HS6ST3: variants seen among roughly 807,000 people sequenced by gnomAD.
The protein encoded by HS6ST3 is heparan sulfate 6-O-sulfotransferase 3.
HS6ST3 carries 12 observed loss-of-function variants against 36.7 expected under a neutral mutation model. The ratio of observed to expected loss-of-function variants is 0.33; its 90% confidence interval spans 0.21 to 0.53. HS6ST3 has a LOEUF of 0.53. HS6ST3 is among the 20% of genes least tolerant of loss of function. The pLI is 0.95. For synonymous variants in HS6ST3, 240 were observed against 257.5 expected (o/e 0.93, Z 0.65); for missense variants, 584 against 640.9 (o/e 0.91, Z 0.96).
At chr13:96,134,013 T>C (rs910857143) in intron 1 of HS6ST3, among the ~76,000 whole-genome samples, 7 of 152,178 alleles carry the variant, frequency 4.6e-5, no homozygotes, top group African/African-American at 1.7e-4. Context: ...TATCCTGTTT[T>C]CTCAACATCA....
At chr13:96,519,478 G>T (rs1027412266) in intron 1 of HS6ST3, among the ~76,000 whole-genome samples, 1 of 152,210 alleles carries the variant, frequency 6.6e-6, no homozygotes, top group Non-Finnish European at 1.5e-5. Context: ...AAATGGATGG[G>T]TGTTTCTGGG....
chr13:96,216,376 G>A (rs1054089446), intron 1 of HS6ST3, among the ~76,000 whole-genome samples: 1 of 152,130 alleles, frequency 6.6e-6, no homozygotes, highest in African/African-American at 2.4e-5. Flanking sequence ...CTGAGCCGTT[G>A]CCTCAATGTT....
chr13:96,667,047 A>G (rs1216953791), intron 1 of HS6ST3, among the ~76,000 whole-genome samples: 1 of 152,180 alleles, frequency 6.6e-6, no homozygotes, highest in Non-Finnish European at 1.5e-5. Flanking sequence ...GATAAACACC[A>G]CACGTCCCAC....
At chr13:96,347,408 G>T (rs1191889153) in intron 1 of HS6ST3, among the ~76,000 whole-genome samples, 1 of 152,166 alleles carries the variant, frequency 6.6e-6, no homozygotes, top group African/African-American at 2.4e-5. Context: ...CAGGCTTGAT[G>T]AAATTATCAT....
chr13:96,626,410 T>G (rs1294155189), intron 1 of HS6ST3, among the ~76,000 whole-genome samples: 2 of 152,316 alleles, frequency 1.3e-5, no homozygotes, highest in South Asian at 4.1e-4. Context: ...ACCAACTCTG[T>G]CAATTATGTT....
At chr13:96,747,661 A>C (rs568223189) in intron 1 of HS6ST3, among the ~76,000 whole-genome samples, 2 of 152,102 alleles carry the variant, frequency 1.3e-5, no homozygotes, top group East Asian at 3.9e-4. Context: ...TCTAGCTACT[A>C]ATATATATAT....
intron 1 of HS6ST3, among the ~76,000 whole-genome samples, chr13:96,343,681 A>G (rs1422525771): frequency 6.6e-6 from 1 of 151,862 alleles, no homozygotes; most frequent in Non-Finnish European, 1.5e-5. Context: ...TTATACTTTT[A>G]TTTATCTTTC....
At chr13:96,449,920 A>C (rs150180318) in intron 1 of HS6ST3, among the ~76,000 whole-genome samples, 51 of 152,344 alleles carry the variant, frequency 3.3e-4, no homozygotes, top group Middle Eastern at 3.4e-3. Flanking sequence ...GGTGGTGTGC[A>C]TTACGTTATA....
At chr13:96,308,446 A>G (rs1246111361) in intron 1 of HS6ST3, among the ~76,000 whole-genome samples, 1 of 152,128 alleles carries the variant, frequency 6.6e-6, no homozygotes, top group Non-Finnish European at 1.5e-5. Context: ...CCTGAGTTTA[A>G]ACATTAGATA....
Position 96,802,593 on chromosome 13 carries a change from A to G in HS6ST3, c.708-29897A>G, listed in dbSNP as rs771839573. 8.5e-5 allele frequency among the ~76,000 whole-genome samples: 13 copies of G among 152,190 alleles called. No homozygotes were observed. The South Asian group carries it at 1.0e-3, about 12-fold the overall frequency. On this transcript the variant is annotated intron_variant, in intron 1 of 1. Transcript: ENST00000376705. ...GTGACTGCTCTGTGTAAAGCGTCCA[A>G]TTCTTCAAGATGTACTGAGATGCTC...
At chr13:96,333,210 C>G (rs976686227) in intron 1 of HS6ST3, among the ~76,000 whole-genome samples, 1 of 152,190 alleles carries the variant, frequency 6.6e-6, no homozygotes, top group Admixed American at 6.5e-5. Context: ...GCTGGTCCTT[C>G]TTTTGGGCCA....
At chr13:96,226,888 A>T (rs1480972904) in intron 1 of HS6ST3, among the ~76,000 whole-genome samples, 1 of 152,136 alleles carries the variant, frequency 6.6e-6, no homozygotes, top group African/African-American at 2.4e-5. Context: ...AGAGCCAGCT[A>T]CTCTTAACAT....
intron 1 of HS6ST3, among the ~76,000 whole-genome samples, chr13:96,497,908 A>G (rs980553684): frequency 6.6e-6 from 1 of 152,216 alleles, no homozygotes; most frequent in Non-Finnish European, 1.5e-5. Context: ...AGGGACAGAA[A>G]GCAGATTAAT....
chr13:96,797,140 A>C (rs1877934298), intron 1 of HS6ST3, among the ~76,000 whole-genome samples: 1 of 152,102 alleles, frequency 6.6e-6, no homozygotes, highest in Non-Finnish European at 1.5e-5. Context: ...TTGACCCTTC[A>C]ACTGGAAGTC....
chr13:96,627,910 CTCTA>C (rs1020766795), intron 1 of HS6ST3, among the ~76,000 whole-genome samples: 15 of 151,694 alleles, frequency 9.9e-5, no homozygotes, highest in African/African-American at 2.2e-4. Context: ...TTTGTATAAT[CTCTA>C]TCTTTTTCTA....
intron 1 of HS6ST3, among the ~76,000 whole-genome samples, chr13:96,459,125 A>AAAAAAAAAAAAAAAAATT: frequency 7.2e-6 from 1 of 138,532 alleles, no homozygotes; most frequent in African/African-American, 2.5e-5. Context: ...AAAAAAAAAA[A>AAAAAAAAAAAAAAAAATT]GAGGTGACAT....
chr13:96,513,384 T>C (rs2056058747), intron 1 of HS6ST3, among the ~76,000 whole-genome samples: 1 of 152,146 alleles, frequency 6.6e-6, no homozygotes, highest in Non-Finnish European at 1.5e-5. Flanking sequence ...TGCTTTCTGC[T>C]CATTTGGGGT....
intron 1 of HS6ST3, among the ~76,000 whole-genome samples, chr13:96,799,232 G>C (rs995214178): frequency 2.6e-5 from 4 of 152,094 alleles, no homozygotes; most frequent in Non-Finnish European, 5.9e-5. Context: ...CACCAACAGT[G>C]TAAAAGTGTT....
intron 1 of HS6ST3, among the ~76,000 whole-genome samples, chr13:96,517,629 A>T (rs1268935303): frequency 1.3e-5 from 2 of 152,096 alleles, no homozygotes; most frequent in African/African-American, 4.8e-5. Context: ...GGCTTGGGGC[A>T]CATGTGCAGG....
Sources: gnomAD v4.1 joint callset for allele counts (sites outside exome capture counted in the v4.1 genomes callset) on GRCh38, gnomAD v4.1.1 for gene constraint, MANE v1.5 for transcripts, NCBI Gene and HGNC (gene_info 2026-07-23, HGNC 2026-07-21) for gene names.